Variants in EFR3B observed in about 807,000 individuals in gnomAD.
EFR3B encodes protein EFR3 homolog B.
In EFR3B, 64 loss-of-function variants were observed where a neutral mutation model predicts 104.7. The ratio of observed to expected loss-of-function variants is 0.61; its 90% confidence interval spans 0.50 to 0.75. The LOEUF (loss-of-function observed/expected upper bound fraction) is 0.75, where lower values mean the gene tolerates loss of function less well. Ranked by LOEUF, EFR3B falls within the 30% of genes least tolerant of loss-of-function variation. The pLI, the probability that EFR3B is intolerant of heterozygous loss-of-function variation, is 0.00. For missense variants in EFR3B, 750 were observed against 1,078.5 expected, an observed-to-expected ratio of 0.70 and a Z score of 4.27; for synonymous variants, 385 against 417.9, an observed-to-expected ratio of 0.92 and a Z score of 0.96.
In EFR3B at chr2:25,136,963, C is replaced by G. The variant is rs542048672; in HGVS notation, c.1560+365C>G. On this transcript the variant is annotated intron_variant, in intron 14 of 22. Coordinates refer to ENST00000403714, the MANE Select transcript of EFR3B (RefSeq NM_014971.2). The surrounding 1 kb of genome is among the most constrained non-coding windows in gnomAD (Gnocchi z 4.0). ...CTGCCTCCTCCCTCTGTAGCTATGT[C>G]TCCTCCCTCTGTAGCTCTGTCTCCT... is the stretch of plus-strand genomic sequence containing the variant. 4.6e-5 allele frequency among the ~76,000 whole-genome samples: 7 copies of G among 152,142 alleles called. No individual in the cohort carries two copies. Among genetic ancestry groups the G allele is most frequent in the Non-Finnish European group, 8.8e-5 (6 of 68,008 alleles).
At chr2:25,116,842 T>C (rs1669874007) in intron 4 of EFR3B, among the ~76,000 whole-genome samples, 1 of 152,088 alleles carries the variant, frequency 6.6e-6, no homozygotes, top group Non-Finnish European at 1.5e-5. Context: ...GGAAAGGGAT[T>C]ACCACTTATG....
At position 25,135,542 on chromosome 2, in the gene EFR3B, G is replaced by A. The variant is rs762376709; in HGVS notation, c.1387G>A (p.Ala463Thr). 1.5e-5 allele frequency: 23 copies of A among 1,551,676 alleles called. No homozygotes were observed. Among genetic ancestry groups the A allele is most frequent in the Non-Finnish European group, 1.7e-5 (20 of 1,147,016 alleles). Residue 463 changes from alanine (A) to threonine (T), a missense_variant, in exon 13 of 23, where the codon GCC (alanine) becomes ACC (threonine). Coordinates refer to ENST00000403714, the MANE Select transcript of EFR3B (RefSeq NM_014971.2). ...SNFLDRLLST[A>T]LMEDAEIRLF... The stretch of plus-strand genomic sequence containing the variant: ...CTTCCTGGACCGCCTTCTCTCCACC[G>A]CCCTCATGGAGGATGCAGAAATTCG...
At position 25,133,474 on chromosome 2, in the gene EFR3B, G is replaced by A. The variant is rs1180958361; in HGVS notation, c.1311+40G>A. ...TCCCCATTCCTGCTCTTCCTCTGCA[G>A]GAGACAGCTCCTTCCAAGGGACCAA... On this transcript the variant is annotated intron_variant, in intron 12 of 22. Coordinates refer to ENST00000403714, the MANE Select transcript of EFR3B (RefSeq NM_014971.2). 1.9e-6 allele frequency: 3 copies of A among 1,548,890 alleles called. No homozygotes were observed. In the South Asian group the frequency reaches 3.6e-5, roughly 18 times the overall value.
chr2:25,135,172 A>C (rs548449035), intron 12 of EFR3B, among the ~76,000 whole-genome samples: 22 of 152,244 alleles, frequency 1.4e-4, no homozygotes, highest in Non-Finnish European at 2.5e-4. Context: ...TTAGGTTCAG[A>C]GACTGCCTGG....
Position 25,132,889 on chromosome 2 carries a change from G to T in EFR3B, c.1148-14G>T. On this transcript the variant is annotated splice_polypyrimidine_tract_variant and intron_variant, in intron 10 of 22. Coordinates refer to ENST00000403714, the MANE Select transcript of EFR3B (RefSeq NM_014971.2). ...CTGTGCCTCACTGGGCACCCTCTCC[G>T]CCACCTCCTGCAGGCTCCTTTGCCA... 1 of 1,549,060 alleles carries T rather than the reference G, an allele frequency of 6.5e-7. No homozygotes were observed. Among genetic ancestry groups the T allele is most frequent in the Non-Finnish European group, 8.7e-7 (1 of 1,146,210 alleles).
intron 4 of EFR3B, among the ~76,000 whole-genome samples, chr2:25,105,560 AC>A (rs1669539841): frequency 6.6e-6 from 1 of 152,242 alleles, no homozygotes. Flanking sequence ...AAGAGTAGCA[AC>A]CTATACAGAT....
chr2:25,056,110 A>G (rs1422692919), intron 1 of EFR3B, among the ~76,000 whole-genome samples: 2 of 152,208 alleles, frequency 1.3e-5, no homozygotes, highest in Non-Finnish European at 2.9e-5. Context: ...GAATTTCTCT[A>G]AGGTCAGAGA....
chr2:25,083,541 T>C (rs1165364515), intron 1 of EFR3B, among the ~76,000 whole-genome samples: 1 of 152,114 alleles, frequency 6.6e-6, no homozygotes, highest in Non-Finnish European at 1.5e-5. Context: ...TCACCATTGT[T>C]GGGCTGGAAG....
intron 1 of EFR3B, among the ~76,000 whole-genome samples, chr2:25,091,119 T>TG (rs11414211): frequency 0.12 from 17,779 of 152,212 alleles, 2,584 homozygotes; most frequent in African/African-American, 0.35. Context: ...GAATGGCACA[T>TG]GGCAGATGTC....
intron 4 of EFR3B, among the ~76,000 whole-genome samples, chr2:25,109,517 G>C (rs1356737370): frequency 6.6e-6 from 1 of 152,010 alleles, no homozygotes; most frequent in Non-Finnish European, 1.5e-5. Context: ...AATTCTGCCG[G>C]GTATATACCC....
intron 1 of EFR3B, 40 bp from the exon 2 acceptor site, chr2:25,091,285 C>A: frequency 6.5e-7 from 1 of 1,543,000 alleles, no homozygotes; most frequent in South Asian, 1.2e-5. Flanking sequence ...TGGGCCCGAC[C>A]AGGAGGCTTT....
rs943086525 is a variant in EFR3B at position 25,136,053 on chromosome 2, G to A, written c.1484+414G>A. ...AGAAAGGGGGTCAGGGCGGTGGCTC[G>A]TGCCTGTAATCTCACACTTTGAGAG... is the stretch of plus-strand genomic sequence containing the variant. On this transcript the variant is annotated intron_variant, in intron 13 of 22. Coordinates refer to ENST00000403714, the MANE Select transcript of EFR3B (RefSeq NM_014971.2). This position sits in a 1 kb window ranked among gnomAD's most constrained non-coding sequence, Gnocchi z 4.0. Among the ~76,000 whole-genome samples, 4 of 152,060 alleles carry A rather than the reference G, an allele frequency of 2.6e-5. No homozygotes were observed. The highest frequency in any genetic ancestry group is 2.1e-4 in the South Asian group (1 of 4,816).
intron 6 of EFR3B, 39 bp from the exon 7 acceptor site, chr2:25,129,936 T>A (rs1475001166): frequency 5.2e-6 from 8 of 1,548,682 alleles, no homozygotes; most frequent in Non-Finnish European, 7.0e-6. Flanking sequence ...GACCCCAGCC[T>A]GCATGCCACC....
Position 25,154,545 on chromosome 2 carries a change from A to C in EFR3B, c.*205A>C. 2 of 562,832 alleles carry C rather than the reference A, an allele frequency of 3.6e-6. No homozygotes were observed. The highest frequency in any genetic ancestry group is 6.3e-6 in the Non-Finnish European group (2 of 317,932). The allele number at this position is 562,832 out of a possible 1,614,324, so 34.9% of individuals were successfully genotyped here. A position where few individuals can be genotyped will look rare whatever the true frequency, so the allele number is the denominator to read the frequency against. On this transcript the variant is annotated 3_prime_UTR_variant, in exon 23 of 23. Coordinates refer to ENST00000403714, the MANE Select transcript of EFR3B (RefSeq NM_014971.2). This position sits in a 1 kb window ranked among gnomAD's most constrained non-coding sequence, Gnocchi z 4.1. Reference sequence around the variant, plus strand: ...CCTCGTCTTCCCTGAGGGAGGTCTCACCAATCAGCATCTCACCTGTGCCCT... The same window carrying C: ...CCTCGTCTTCCCTGAGGGAGGTCTCCCCAATCAGCATCTCACCTGTGCCCT...
intron 1 of EFR3B, among the ~76,000 whole-genome samples, chr2:25,072,712 A>AGTACCTCCTCTTCAGAAAGC (rs1171923749): frequency 2.0e-5 from 3 of 152,154 alleles, no homozygotes; most frequent in Non-Finnish European, 2.9e-5. Flanking sequence ...CTTATCCTCC[A>AGTACCTCCTCTTCAGAAAGC]GTACCTCCTC....
Position 25,156,007 on chromosome 2 carries a change from G to A in EFR3B, c.*1667G>A, listed in dbSNP as rs1163264959. On this transcript the variant is annotated 3_prime_UTR_variant, in exon 23 of 23. Coordinates refer to ENST00000403714, the MANE Select transcript of EFR3B (RefSeq NM_014971.2). ...TTTCAGGCAGTGTGGCATGGAGTCAGAAGCAGGCTGTTTCTCCTCAGGGGA... is the reference window on the plus strand; with the variant it reads ...TTTCAGGCAGTGTGGCATGGAGTCAAAAGCAGGCTGTTTCTCCTCAGGGGA... 1.3e-5 allele frequency: 2 copies of A among 152,142 alleles called. No homozygotes were observed. The highest frequency in any genetic ancestry group is 3.9e-4 in the East Asian group (2 of 5,138). 9.4% of individuals were successfully genotyped at this position (152,142 alleles called of 1,614,324 possible). A position where few individuals can be genotyped will look rare whatever the true frequency, so the allele number is the denominator to read the frequency against.
Position 25,103,866 on chromosome 2 carries a change from G to T in EFR3B, c.363+79G>T. On this transcript the variant is annotated intron_variant, in intron 4 of 22. Coordinates refer to ENST00000403714, the MANE Select transcript of EFR3B (RefSeq NM_014971.2). ...CAGGGGAGAGGGAGACCTCGGGGTC[G>T]GCACTGTCATGTTCTGTTCCTTCTT... 3 of 1,515,706 alleles carry T rather than the reference G, an allele frequency of 2.0e-6. No homozygotes were observed. The South Asian group carries it at 3.8e-5, about 19-fold the overall frequency. 93.9% of individuals were successfully genotyped at this position (1,515,706 alleles called of 1,614,324 possible). A position where few individuals can be genotyped will look rare whatever the true frequency, so the allele number is the denominator to read the frequency against.
intron 1 of EFR3B, among the ~76,000 whole-genome samples, chr2:25,085,344 T>C (rs1668918992): frequency 6.6e-6 from 1 of 152,182 alleles, no homozygotes; most frequent in African/African-American, 2.4e-5. Context: ...AACTCTAAAA[T>C]TAGGGCTGTT....
chr2:25,103,449 T>A (rs60896637), intron 3 of EFR3B, among the ~76,000 whole-genome samples, 188 bp from the exon 4 acceptor site: 17,040 of 152,222 alleles, frequency 0.11, 2,350 homozygotes, highest in African/African-American at 0.33. Context: ...CCCTAATTCA[T>A]TCTGACTCAG....
Sources: allele counts gnomAD v4.1 joint callset (sites outside exome capture counted in the v4.1 genomes callset), GRCh38; gene constraint gnomAD v4.1.1; non-coding constraint Gnocchi (gnomAD v3.1); transcripts MANE v1.5; gene names NCBI Gene and HGNC (gene_info 2026-07-23, HGNC 2026-07-21).